CPVL: variants seen among roughly 807,000 people sequenced by gnomAD.
CPVL encodes the protein probable serine carboxypeptidase CPVL.
A neutral mutation model predicts 63.7 loss-of-function variants in CPVL; 51 were observed. The ratio of observed to expected loss-of-function variants is 0.80; its 90% CI spans 0.64 to 1.01. CPVL has a LOEUF of 1.01. Among genes scored for constraint, CPVL ranks in the 50% least tolerant of loss-of-function variants. The pLI is 0.00. For synonymous variants in CPVL, 195 were observed against 206.0 expected (o/e 0.95, Z 0.46); for missense variants, 530 against 573.1 (o/e 0.92, Z 0.77).
intron 5 of CPVL, among the ~76,000 whole-genome samples, chr7:29,173,385 GT>G (rs1176811180): frequency 6.6e-6 from 1 of 152,008 alleles, no homozygotes; most frequent in Non-Finnish European, 1.5e-5. Flanking sequence ...GTGAAAGGTG[GT>G]GCTATTAATA....
chr7:29,146,999 C>T (rs776033025), upstream of CPVL: 249 of 1,550,362 alleles, frequency 1.6e-4, no homozygotes, highest in Non-Finnish European at 2.1e-4. Context: ...GCCAAGCACT[C>T]TCCTGAATCA....
intron 9 of CPVL, among the ~76,000 whole-genome samples, chr7:29,069,718 G>A (rs17675939): frequency 0.12 from 17,559 of 150,596 alleles, 1,260 homozygotes; most frequent in Middle Eastern, 0.17. Context: ...TGTATCCTTC[G>A]GCAATTCATT....
At chr7:29,173,979 G>C (rs1796940304) in intron 5 of CPVL, among the ~76,000 whole-genome samples, 1 of 151,826 alleles carries the variant, frequency 6.6e-6, no homozygotes, top group Non-Finnish European at 1.5e-5. Flanking sequence ...TCTAAAGACT[G>C]AGTATGCACT....
chr7:29,174,546 A>C (rs1478469560), intron 5 of CPVL, among the ~76,000 whole-genome samples: 1 of 152,160 alleles, frequency 6.6e-6, no homozygotes, highest in Non-Finnish European at 1.5e-5. Flanking sequence ...GGCAGAAAGA[A>C]AATACCCAAC....
chr7:29,113,483 T>C (rs1253708477), intron 2 of CPVL, among the ~76,000 whole-genome samples: 1 of 152,120 alleles, frequency 6.6e-6, no homozygotes, highest in Non-Finnish European at 1.5e-5. Context: ...GGCGTTCTTA[T>C]GGCACCATTG....
intron 7 of CPVL, among the ~76,000 whole-genome samples, chr7:29,086,249 G>A (rs918084883): frequency 2.6e-5 from 4 of 151,834 alleles, no homozygotes; most frequent in Admixed American, 6.6e-5. Flanking sequence ...CCGAGATCAC[G>A]CCACTGCACT....
chr7:29,093,359 C>T (rs1349343611), intron 5 of CPVL, among the ~76,000 whole-genome samples: 1 of 122,774 alleles, frequency 8.1e-6, no homozygotes, highest in Non-Finnish European at 1.6e-5. Flanking sequence ...CCTGGGTGAC[C>T]AAGCGAGACT....
chr7:29,004,903 T>TC (rs1785028240), intron 12 of CPVL, among the ~76,000 whole-genome samples: 1 of 145,616 alleles, frequency 6.9e-6, no homozygotes, highest in Non-Finnish European at 1.5e-5. Context: ...TTTCTTTTCT[T>TC]TTTTTTTTTT....
At chr7:29,134,194 T>C (rs1584362134) in intron 1 of CPVL, among the ~76,000 whole-genome samples, 1 of 152,190 alleles carries the variant, frequency 6.6e-6, no homozygotes, top group South Asian at 2.1e-4. Context: ...ACTCTATACC[T>C]TCATTCTTCA....
At chr7:29,074,910 T>C (rs1417695571) in intron 7 of CPVL, among the ~76,000 whole-genome samples, 2 of 151,986 alleles carry the variant, frequency 1.3e-5, no homozygotes, top group East Asian at 1.9e-4. Flanking sequence ...GAGCAAAGTT[T>C]ACGATTTCTT....
At chr7:29,149,716 C>T (rs886519277), upstream of CPVL, among the ~76,000 whole-genome samples, 1 of 152,026 alleles carries the variant, frequency 6.6e-6, no homozygotes, top group South Asian at 2.1e-4. Context: ...GATCCTTCCT[C>T]GCTGCTTCTA....
chr7:29,033,168 C>T (rs968830363), intron 11 of CPVL, among the ~76,000 whole-genome samples: 3 of 152,010 alleles, frequency 2.0e-5, no homozygotes, highest in African/African-American at 7.2e-5. Flanking sequence ...GAATAACGAT[C>T]ATGAGAAGTG....
intron 7 of CPVL, among the ~76,000 whole-genome samples, chr7:29,075,421 TG>T (rs1197349056): frequency 7.9e-5 from 12 of 151,442 alleles, no homozygotes; most frequent in Non-Finnish European, 1.8e-4. Context: ...CATGCCTGGC[TG>T]GAATTCTACC....
At chr7:29,072,211 AG>A in intron 8 of CPVL, 89 bp downstream of exon 8, 1 of 1,427,294 alleles carries the variant, frequency 7.0e-7, no homozygotes. Context: ...CCTTATCAAA[AG>A]TTAGACCTCT....
chr7:29,071,715 C>CCCA, intron 9 of CPVL, 58 bp downstream of exon 9: 3 of 750,700 alleles, frequency 4.0e-6, no homozygotes, highest in Non-Finnish European at 6.2e-6. Context: ...GCTCACCCGC[C>CCCA]CTCCCTCCCC....
At chr7:29,146,813 T>C (rs1170087881), upstream of CPVL, 4 of 1,550,372 alleles carry the variant, frequency 2.6e-6, no homozygotes, top group South Asian at 4.8e-5. Context: ...TCTTAAAATT[T>C]CAACCCTGTA....
chr7:29,108,026 G>A (rs942526551), intron 3 of CPVL, among the ~76,000 whole-genome samples: 4 of 152,168 alleles, frequency 2.6e-5, no homozygotes, highest in African/African-American at 9.6e-5. Context: ...TGTGCTATCT[G>A]ATCATCCTAG....
intron 11 of CPVL, among the ~76,000 whole-genome samples, chr7:29,031,061 A>G (rs1787974396): frequency 6.6e-6 from 1 of 152,208 alleles, no homozygotes; most frequent in African/African-American, 2.4e-5. Context: ...AAGAAGGAAG[A>G]CTGTGGTTAC....
At chr7:29,133,678 G>T (rs574486042) in intron 1 of CPVL, among the ~76,000 whole-genome samples, 1 of 152,336 alleles carries the variant, frequency 6.6e-6, no homozygotes, top group African/African-American at 2.4e-5. Context: ...GTCCCCTCAT[G>T]AAACCTCTCT....
Sources: allele counts gnomAD v4.1 joint callset (sites outside exome capture counted in the v4.1 genomes callset), GRCh38; gene constraint gnomAD v4.1.1; transcripts MANE v1.5; gene names NCBI Gene and HGNC (gene_info 2026-07-23, HGNC 2026-07-21).